The following ADGRV1 variants were observed in gnomAD, a reference collection of about 807,000 sequenced individuals.
ADGRV1 encodes G-protein coupled receptor 98.
In ADGRV1, 359 loss-of-function variants were observed where a neutral mutation model predicts 596.2. The observed-to-expected ratio is 0.60, with a 90% CI of 0.55 to 0.66. The LOEUF (loss-of-function observed/expected upper bound fraction) is 0.66. Ranked by LOEUF, ADGRV1 falls within the 30% of genes least tolerant of loss-of-function variation. The pLI, the probability that ADGRV1 is intolerant of heterozygous loss-of-function variation, is 0.00. For synonymous variants in ADGRV1, 2,681 were observed against 2,679.2 expected, an observed-to-expected ratio of 1.00 and a Z score of -0.02; for missense variants, 7,274 against 7,575.6, an observed-to-expected ratio of 0.96 and a Z score of 1.48.
intron 30 of ADGRV1, 112 bp from the exon 31 acceptor site, chr5:90,690,685 C>A: frequency 1.8e-6 from 2 of 1,084,108 alleles, no homozygotes; most frequent in Non-Finnish European, 2.6e-6. Context: ...TGGGTTATAG[C>A]TACTTAGATT....
Position 90,811,080 on chromosome 5 carries a change from T to C in ADGRV1, c.15820T>C (p.Leu5274=). ...ATGTGCTCAGATGGAACCAAATGCA[T>C]TGCCCTTTCGTGGTATCTATGGGAT... The part of the protein sequence containing the change: ...ERCAQMEPNA[L]PFRGIYGISN... The change falls in exon 74 of 90, where the codon TTG becomes CTG. Residue 5274 remains leucine (L), a synonymous_variant. Coordinates refer to ENST00000405460, the MANE Select transcript of ADGRV1 (RefSeq NM_032119.4). 1.2e-6 allele frequency: 2 copies of C among 1,613,986 alleles called. No individual in the cohort carries two copies. Among genetic ancestry groups the C allele is most frequent in the Middle Eastern group, 3.3e-4 (2 of 6,062 alleles).
rs373262514 is a variant in ADGRV1, at chr5:90,933,920, G to A, written c.17857-31495G>A. ...CTTTGGCCTTATTCTGTGGCTGCAC[G>A]TAGGCCTTTGGGGACTCTTGTAACA... On this transcript the variant is annotated intron_variant, in intron 83 of 89. Coordinates refer to ENST00000405460, the MANE Select transcript of ADGRV1 (RefSeq NM_032119.4). Among the ~76,000 whole-genome samples, 24 of 152,276 alleles carry A rather than the reference G, an allele frequency of 1.6e-4. 1 individual carries two copies. The East Asian group carries it at 2.7e-3, about 17-fold the overall frequency.
At chr5:90,775,177 C>T (rs1456682273) in intron 60 of ADGRV1, among the ~76,000 whole-genome samples, 1 of 152,046 alleles carries the variant, frequency 6.6e-6, no homozygotes, top group Non-Finnish European at 1.5e-5. Flanking sequence ...TCTTTTTTGC[C>T]ATCAAGAACT....
chr5:91,047,672 A>C (rs1393375959), intron 85 of ADGRV1, among the ~76,000 whole-genome samples: 6 of 152,268 alleles, frequency 3.9e-5, no homozygotes, highest in Middle Eastern at 3.4e-3. Context: ...CACACCCAAT[A>C]ACAATACTTT....
Position 91,011,560 on chromosome 5 carries a change from C to T in ADGRV1, c.18152+26038C>T, listed in dbSNP as rs141053198. Among the ~76,000 whole-genome samples, 301 of 152,058 alleles carry T rather than the reference C, an allele frequency of 2.0e-3. 1 individual carries two copies. The highest frequency in any genetic ancestry group is 0.013 in the Admixed American group (191 of 15,236). Reference sequence around the variant, plus strand: ...GATGTTCAGAATACTTTTGTAGACACTCTATATGTATTAACATATTAATAC... The same window carrying T: ...GATGTTCAGAATACTTTTGTAGACATTCTATATGTATTAACATATTAATAC... On this transcript the variant is annotated intron_variant, in intron 85 of 89. Coordinates refer to ENST00000405460, the MANE Select transcript of ADGRV1 (RefSeq NM_032119.4).
chr5:91,064,798 A>T (rs1273192622), intron 85 of ADGRV1, among the ~76,000 whole-genome samples: 2 of 152,200 alleles, frequency 1.3e-5, no homozygotes, highest in Non-Finnish European at 2.9e-5. Context: ...GTTTTCATAA[A>T]TTTATTCCTT....
intron 87 of ADGRV1, among the ~76,000 whole-genome samples, chr5:91,117,067 A>G (rs1001891621): frequency 6.6e-6 from 1 of 152,210 alleles, no homozygotes; most frequent in Non-Finnish European, 1.5e-5. Flanking sequence ...TGGAATGTTA[A>G]GATGGTCATT....
intron 85 of ADGRV1, among the ~76,000 whole-genome samples, chr5:91,047,412 A>G (rs1423035393): frequency 6.6e-6 from 1 of 152,198 alleles, no homozygotes; most frequent in Non-Finnish European, 1.5e-5. Flanking sequence ...CTGAGGAGCA[A>G]CGAAGCCAGT....
intron 77 of ADGRV1, among the ~76,000 whole-genome samples, chr5:90,833,951 G>T (rs944938463): frequency 6.6e-6 from 1 of 152,056 alleles, no homozygotes; most frequent in East Asian, 1.9e-4. Context: ...ATTTTAAAAT[G>T]ATGTCATCTT....
chr5:90,978,166 G>C lies in ADGRV1; in HGVS notation c.17974-7178G>C, dbSNP rs1016701971. Among the ~76,000 whole-genome samples the C allele has an allele frequency of 4.6e-5, 7 of 152,082 alleles. No homozygotes were observed. The East Asian group carries it at 1.4e-3, about 29-fold the overall frequency. The stretch of plus-strand genomic sequence containing the variant: ...AAAAATTAGCCAGGCATGGTGGCAG[G>C]CGCCTGTAGTCCCAGCTACTAGGGA... On this transcript the variant is annotated intron_variant, in intron 84 of 89. Coordinates refer to ENST00000405460, the MANE Select transcript of ADGRV1 (RefSeq NM_032119.4).
intron 21 of ADGRV1, 90 bp downstream of exon 21, chr5:90,658,368 G>T: frequency 8.3e-7 from 1 of 1,211,776 alleles, no homozygotes; most frequent in Non-Finnish European, 1.1e-6. Context: ...TGGTAAGATT[G>T]GTTGCGCATC....
intron 41 of ADGRV1, among the ~76,000 whole-genome samples, chr5:90,712,078 G>T (rs1394308990): frequency 6.6e-6 from 1 of 152,160 alleles, no homozygotes; most frequent in Non-Finnish European, 1.5e-5. Context: ...GTGAGCCAAT[G>T]CACCCAGCCC....
rs991370998 is a variant in ADGRV1 at position 90,594,691 on chromosome 5, T to C, written c.23-20144T>C. On this transcript the variant is annotated intron_variant, in intron 1 of 89. Transcript: ENST00000405460. ...ATTAGGGAGTGGTGATGACTCTTAA[T>C]GAGCATGCTGCCTTCAAGCATCAGT... Among the ~76,000 whole-genome samples the C allele has an allele frequency of 6.0e-5, 9 of 149,920 alleles. No homozygotes were observed. The South Asian group carries it at 8.4e-4, about 14-fold the overall frequency.
At chr5:90,797,750 G>A (rs1005106533) in intron 70 of ADGRV1, among the ~76,000 whole-genome samples, 9 of 152,072 alleles carry the variant, frequency 5.9e-5, no homozygotes, top group African/African-American at 1.7e-4. Context: ...CAGCAAATGT[G>A]AAAGAATGGA....
In ADGRV1 at chr5:90,881,237, T is replaced by G. The variant is rs888781135; in HGVS notation, c.17856+17380T>G. Among the ~76,000 whole-genome samples the G allele has an allele frequency of 2.0e-5, 3 of 152,140 alleles. No homozygotes were observed. In the South Asian group the frequency reaches 6.2e-4, roughly 32 times the overall value. On this transcript the variant is annotated intron_variant, in intron 83 of 89. Coordinates refer to ENST00000405460, the MANE Select transcript of ADGRV1 (RefSeq NM_032119.4). ...CACCTGTGCAATTTTTGAAAAGAAA[T>G]TGAATGATGCGTTCCAGGAAGGGTT...
At chr5:90,995,171 G>A (rs1330565005) in intron 85 of ADGRV1, among the ~76,000 whole-genome samples, 1 of 152,130 alleles carries the variant, frequency 6.6e-6, no homozygotes, top group Admixed American at 6.5e-5. Flanking sequence ...TTATCCACTG[G>A]CTCAGATAGC....
Position 90,900,910 on chromosome 5 carries a change from T to G in ADGRV1, c.17856+37053T>G, listed in dbSNP as rs562014242. On this transcript the variant is annotated intron_variant, in intron 83 of 89. Transcript: ENST00000405460. Reference sequence around the variant, plus strand: ...TCTTTCATAGTACCACTACCTAGAATAAATCATTATTAATATTTTGGCATA... The same window carrying G: ...TCTTTCATAGTACCACTACCTAGAAGAAATCATTATTAATATTTTGGCATA... 1.1e-4 allele frequency among the ~76,000 whole-genome samples: 17 copies of G among 151,978 alleles called. No homozygotes were observed. The East Asian group carries it at 3.1e-3, about 28-fold the overall frequency.
intron 83 of ADGRV1, among the ~76,000 whole-genome samples, chr5:90,895,964 G>A (rs1771270373): frequency 6.6e-6 from 1 of 151,596 alleles, no homozygotes; most frequent in African/African-American, 2.4e-5. Context: ...AGAATAAGAT[G>A]TGCTCTATTC....
chr5:90,640,505 G>A (rs920055171), intron 11 of ADGRV1, among the ~76,000 whole-genome samples: 1 of 152,074 alleles, frequency 6.6e-6, no homozygotes, highest in Non-Finnish European at 1.5e-5. Flanking sequence ...GCTGTGGTTT[G>A]TGAGCCTGTA....
Sources: allele counts gnomAD v4.1 joint callset (sites outside exome capture counted in the v4.1 genomes callset), GRCh38; gene constraint gnomAD v4.1.1; transcripts MANE v1.5; gene names NCBI Gene and HGNC (gene_info 2026-07-23, HGNC 2026-07-21).